The following EVI5 variants were observed in gnomAD, a reference collection of about 807,000 sequenced individuals.
EVI5 encodes ecotropic viral integration site 5, also known as ecotropic viral integration site 5 protein homolog.
Under a neutral mutation model 112.0 loss-of-function variants are expected in EVI5, and 73 were observed. The ratio of observed to expected loss-of-function variants is 0.65; its 90% CI spans 0.54 to 0.79. The LOEUF (loss-of-function observed/expected upper bound fraction) is 0.79. Among genes scored for constraint, EVI5 ranks in the 30% least tolerant of loss-of-function variants. EVI5 has a pLI of 0.00. For synonymous variants in EVI5, 305 were observed against 319.9 expected, an observed-to-expected ratio of 0.95 and a Z score of 0.50; for missense variants, 900 against 968.8, an observed-to-expected ratio of 0.93 and a Z score of 0.94.
At chr1:92,690,409 C>T (rs922973327) in intron 9 of EVI5, among the ~76,000 whole-genome samples, 4 of 150,222 alleles carry the variant, frequency 2.7e-5, no homozygotes, top group Admixed American at 2.7e-4. Flanking sequence ...AGTACAGTGA[C>T]GCAATCACAG....
intron 1 of EVI5, among the ~76,000 whole-genome samples, chr1:92,741,201 T>A (rs1678330009): frequency 6.6e-6 from 1 of 152,196 alleles, no homozygotes; most frequent in Non-Finnish European, 1.5e-5. Flanking sequence ...ACAACTTACA[T>A]AAGGTCACAA....
intron 2 of EVI5, among the ~76,000 whole-genome samples, chr1:92,734,252 CT>C (rs1434900520): frequency 1.3e-4 from 20 of 152,330 alleles, no homozygotes; most frequent in East Asian, 1.2e-3. Context: ...TAAAGACCCA[CT>C]TCCAGTAGGA....
intron 9 of EVI5, among the ~76,000 whole-genome samples, chr1:92,689,893 T>G (rs1441408629): frequency 6.6e-6 from 1 of 152,014 alleles, no homozygotes; most frequent in Non-Finnish European, 1.5e-5. Flanking sequence ...AATAAAGTTG[T>G]TTTGTTTTGT....
chr1:92,715,285 A>G (rs1365205469), intron 2 of EVI5, among the ~76,000 whole-genome samples: 2 of 152,226 alleles, frequency 1.3e-5, no homozygotes, highest in Non-Finnish European at 2.9e-5. Context: ...CTGGGATTAC[A>G]GGCATAAGCC....
rs141559165 is a variant in EVI5, at chr1:92,624,689, CAAAAAAAAAAAAA to C, written c.1669-368_1669-356del. On this transcript the variant is annotated intron_variant, in intron 15 of 19. Coordinates refer to ENST00000684568, the MANE Select transcript of EVI5 (RefSeq NM_001350197.2). ...GAAACCCTGTCTCTAGTCTCTACTT[CAAAAAAAAAAAAA>C]AAAAAAAAAAAAAAAAAAGAATTTA... is the stretch of plus-strand genomic sequence containing the variant. Among the ~76,000 whole-genome samples the C allele has an allele frequency of 1.1e-3, 56 of 51,768 alleles. No homozygotes were observed. In the East Asian group the frequency reaches 0.025, roughly 24 times the overall value. The allele number at this position is 51,768 out of a possible 152,430, so 34.0% of individuals were successfully genotyped here. A position where few individuals can be genotyped will look rare whatever the true frequency, so the allele number is the denominator to read the frequency against.
At chr1:92,773,596 C>G (rs1558240325) in intron 1 of EVI5, among the ~76,000 whole-genome samples, 1 of 152,004 alleles carries the variant, frequency 6.6e-6, no homozygotes, top group African/African-American at 2.4e-5. Flanking sequence ...GAGCTATGAT[C>G]ACACTACTGC....
chr1:92,609,368 T>A (rs1571867599), intron 16 of EVI5, among the ~76,000 whole-genome samples: 1 of 142,756 alleles, frequency 7.0e-6, no homozygotes, highest in African/African-American at 2.6e-5. Flanking sequence ...TTTCATTTCA[T>A]TTTTTTTTTG....
intron 16 of EVI5, among the ~76,000 whole-genome samples, chr1:92,616,098 G>C (rs1653068192): frequency 6.6e-6 from 1 of 152,146 alleles, no homozygotes; most frequent in Non-Finnish European, 1.5e-5. Context: ...TGAGAGAGCT[G>C]GAAACGCCTG....
intron 18 of EVI5, among the ~76,000 whole-genome samples, chr1:92,591,590 A>C (rs757806638): frequency 5.3e-5 from 8 of 152,216 alleles, no homozygotes; most frequent in Non-Finnish European, 8.8e-5. Context: ...CACCCAATAC[A>C]GGCGCACCCA....
intron 13 of EVI5, among the ~76,000 whole-genome samples, chr1:92,643,658 A>G (rs1254705523): frequency 6.6e-6 from 1 of 152,192 alleles, no homozygotes; most frequent in African/African-American, 2.4e-5. Flanking sequence ...ACTAAAGACA[A>G]TCATTCTATA....
chr1:92,756,166 T>C (rs1680923035), intron 1 of EVI5: 6 of 387,828 alleles, frequency 1.5e-5, no homozygotes, highest in Non-Finnish European at 2.6e-5. Flanking sequence ...GAATGTAGTA[T>C]TAACAAAACA....
At chr1:92,515,311 T>C (rs1217931951) in intron 19 of EVI5, among the ~76,000 whole-genome samples, 1 of 152,176 alleles carries the variant, frequency 6.6e-6, no homozygotes, top group Non-Finnish European at 1.5e-5. Context: ...CCAAAACCAG[T>C]TTTATCAGAA....
upstream of EVI5, among the ~76,000 whole-genome samples, chr1:92,786,235 GAAAA>G (rs33914637): frequency 5.1e-4 from 72 of 139,814 alleles, no homozygotes; most frequent in Non-Finnish European, 8.1e-4. Flanking sequence ...AAGCATTTCA[GAAAA>G]AAAAAAAAAA....
chr1:92,571,068 T>G (rs1360485943), intron 18 of EVI5, among the ~76,000 whole-genome samples: 1 of 151,802 alleles, frequency 6.6e-6, no homozygotes. Flanking sequence ...CTTATTTAGA[T>G]TTAAATAAAA....
intron 13 of EVI5, among the ~76,000 whole-genome samples, chr1:92,651,237 G>A (rs1040088982): frequency 6.6e-5 from 10 of 151,956 alleles, no homozygotes; most frequent in Admixed American, 5.9e-4. Context: ...ACACATATAG[G>A]ACTAAGGAAA....
At chr1:92,752,522 T>C (rs1680344563) in intron 1 of EVI5, among the ~76,000 whole-genome samples, 1 of 152,000 alleles carries the variant, frequency 6.6e-6, no homozygotes, top group South Asian at 2.1e-4. Context: ...CCTGTTGTGC[T>C]TAGCACTCCA....
chr1:92,551,225 G>T (rs1027931718), intron 19 of EVI5, among the ~76,000 whole-genome samples: 3 of 151,254 alleles, frequency 2.0e-5, no homozygotes, highest in Non-Finnish European at 2.9e-5. Flanking sequence ...TAGAGACAGG[G>T]TTTCTCCATG....
At chr1:92,685,244 C>A (rs1015660530) in intron 9 of EVI5, among the ~76,000 whole-genome samples, 22 of 152,134 alleles carry the variant, frequency 1.4e-4, no homozygotes, top group African/African-American at 5.3e-4. Flanking sequence ...ACTCAGGATT[C>A]AGAAACTCAC....
intron 1 of EVI5, among the ~76,000 whole-genome samples, chr1:92,749,889 C>T (rs1679904588): frequency 6.6e-6 from 1 of 152,164 alleles, no homozygotes; most frequent in Non-Finnish European, 1.5e-5. Flanking sequence ...CACATAACTG[C>T]TCTCTAAGTC....
Sources: allele counts gnomAD v4.1 joint callset (sites outside exome capture counted in the v4.1 genomes callset), GRCh38; gene constraint gnomAD v4.1.1; transcripts MANE v1.5; gene names NCBI Gene and HGNC (gene_info 2026-07-23, HGNC 2026-07-21).